KLF12: variants seen among roughly 807,000 people sequenced by gnomAD.
KLF12 encodes the protein KLF transcription factor 12, also known as Krueppel-like factor 12.
KLF12 carries 9 observed loss-of-function variants against 37.8 expected under a neutral mutation model. That is an observed-to-expected ratio of 0.24 (90% CI 0.14 to 0.42). The LOEUF is 0.42. KLF12 is among the 10% of genes least tolerant of loss of function. The pLI is 1.00. For missense variants in KLF12, 411 were observed against 516.0 expected (o/e 0.80, Z 1.97); for synonymous variants, 208 against 202.1 (o/e 1.03, Z -0.25).
intron 1 of KLF12, among the ~76,000 whole-genome samples, chr13:74,072,199 A>G (rs1874292541): frequency 6.6e-6 from 1 of 151,754 alleles, no homozygotes; most frequent in African/African-American, 2.4e-5. Flanking sequence ...ATTATATATT[A>G]TCATACATTT....
the KLF12 span, among the ~76,000 whole-genome samples, chr13:74,260,614 AAAATAAAATAAAAT>A: frequency 8.7e-6 from 1 of 114,410 alleles, no homozygotes; most frequent in African/African-American, 5.5e-5. Context: ...AAAATAAAAT[AAAATAAAATAAAAT>A]AGTGAATTAA....
the KLF12 span, among the ~76,000 whole-genome samples, chr13:74,273,203 C>T: frequency 6.6e-6 from 1 of 152,092 alleles, no homozygotes; most frequent in African/African-American, 2.4e-5. Flanking sequence ...GATGCAACTA[C>T]AGAAACAATG....
chr13:74,193,738 C>A, the KLF12 span, among the ~76,000 whole-genome samples: 1 of 152,060 alleles, frequency 6.6e-6, no homozygotes, highest in Non-Finnish European at 1.5e-5. Flanking sequence ...TGGAAGAAAC[C>A]AACATTATAA....
the KLF12 span, chr13:74,259,529 C>T: frequency 6.6e-6 from 1 of 152,166 alleles, no homozygotes; most frequent in African/African-American, 2.4e-5. Flanking sequence ...GAATTTTTCA[C>T]AGAAAACATA....
intron 1 of KLF12, among the ~76,000 whole-genome samples, chr13:74,113,987 A>G (rs1170250936): frequency 4.6e-5 from 7 of 152,232 alleles, no homozygotes; most frequent in African/African-American, 1.7e-4. Context: ...GTTCAGTGGA[A>G]TAAGTAACTG....
chr13:74,114,958 GATC>G, intron 1 of KLF12, among the ~76,000 whole-genome samples: 1 of 152,272 alleles, frequency 6.6e-6, no homozygotes, highest in Admixed American at 6.5e-5. Context: ...GCATGAGAAG[GATC>G]TAGGTTGCAT....
chr13:74,193,474 CCCAGGTT>C, the KLF12 span, among the ~76,000 whole-genome samples: 26 of 152,146 alleles, frequency 1.7e-4, no homozygotes, highest in Admixed American at 2.6e-4. Context: ...AGGATTCAAA[CCCAGGTT>C]TATTTGACTC....
At chr13:74,109,756 C>T (rs959788075) in intron 1 of KLF12, among the ~76,000 whole-genome samples, 1 of 152,066 alleles carries the variant, frequency 6.6e-6, no homozygotes, top group African/African-American at 2.4e-5. Context: ...CCAACAATGA[C>T]CACTTAAGAA....
chr13:74,133,129 A>G (rs1399820474), intron 1 of KLF12, among the ~76,000 whole-genome samples: 1 of 152,180 alleles, frequency 6.6e-6, no homozygotes, highest in African/African-American at 2.4e-5. Context: ...AGTGACAGTT[A>G]CACATCATTA....
intron 5 of KLF12, among the ~76,000 whole-genome samples, chr13:73,804,894 A>C (rs1348754744): frequency 2.0e-5 from 3 of 152,234 alleles, no homozygotes; most frequent in Non-Finnish European, 4.4e-5. Flanking sequence ...AGCATCTTTT[A>C]ATGTGCCAGG....
chr13:74,137,279 G>A (rs929456947), upstream of KLF12, among the ~76,000 whole-genome samples: 2 of 152,200 alleles, frequency 1.3e-5, no homozygotes. Flanking sequence ...CCATGTAAAA[G>A]AATGTGTAGC....
rs1389562002 is a variant in KLF12 at position 73,974,704 on chromosome 13, A to G, written c.33+20286T>C. Among the ~76,000 whole-genome samples the G allele has an allele frequency of 7.2e-5, 11 of 152,208 alleles. 1 individual carries two copies. The highest frequency in any genetic ancestry group is 7.2e-4 in the Admixed American group (11 of 15,272). ...CAATTGGAACTTAGAGTAGAAAAGTAGCTGTTTAATATACTCAAATATAAA... is the reference window on the plus strand; with the variant it reads ...CAATTGGAACTTAGAGTAGAAAAGTGGCTGTTTAATATACTCAAATATAAA... On this transcript the variant is annotated intron_variant, in intron 2 of 7. Coordinates refer to ENST00000377669, the MANE Select transcript of KLF12 (RefSeq NM_007249.5).
intron 1 of KLF12, among the ~76,000 whole-genome samples, chr13:74,019,614 T>A (rs1892788781): frequency 6.6e-6 from 1 of 152,220 alleles, no homozygotes; most frequent in African/African-American, 2.4e-5. Context: ...TAATGTTACA[T>A]CTCTTGTAAT....
chr13:73,864,311 T>C (rs1180843896), intron 3 of KLF12, among the ~76,000 whole-genome samples: 1 of 152,172 alleles, frequency 6.6e-6, no homozygotes, highest in Non-Finnish European at 1.5e-5. Context: ...CTCATAGTTG[T>C]ACTTTACCAG....
intron 1 of KLF12, among the ~76,000 whole-genome samples, chr13:74,095,127 ATCATATAT>A (rs1177257203): frequency 6.6e-6 from 1 of 152,138 alleles, no homozygotes; most frequent in African/African-American, 2.4e-5. Flanking sequence ...ATGGACTCTG[ATCATATAT>A]CCTCCAGACT....
intron 1 of KLF12, among the ~76,000 whole-genome samples, chr13:74,103,139 C>T (rs1482428645): frequency 6.6e-6 from 1 of 152,196 alleles, no homozygotes; most frequent in Non-Finnish European, 1.5e-5. Flanking sequence ...AAATGCGAAA[C>T]GTGTGCTGCT....
intron 5 of KLF12, among the ~76,000 whole-genome samples, chr13:73,798,974 T>C (rs1466048609): frequency 6.6e-5 from 10 of 152,146 alleles, no homozygotes; most frequent in African/African-American, 1.7e-4. Flanking sequence ...ATGTTCACTG[T>C]AGCACTATTC....
chr13:73,924,535 G>A (rs1037932283), intron 3 of KLF12, among the ~76,000 whole-genome samples: 2 of 152,078 alleles, frequency 1.3e-5, no homozygotes, highest in African/African-American at 4.8e-5. Flanking sequence ...TGTTTTGACT[G>A]CCCCACCCAC....
At chr13:73,971,187 G>A (rs57665296) in intron 2 of KLF12, among the ~76,000 whole-genome samples, 7,343 of 152,210 alleles carry the variant, frequency 0.048, 375 homozygotes, top group African/African-American at 0.13. Flanking sequence ...AAGGAGTCAA[G>A]AAGTTAGGAA....
Sources: allele counts gnomAD v4.1 joint callset (sites outside exome capture counted in the v4.1 genomes callset), GRCh38; gene constraint gnomAD v4.1.1; transcripts MANE v1.5; gene names NCBI Gene and HGNC (gene_info 2026-07-23, HGNC 2026-07-21).